COG5: variants seen among roughly 807,000 people sequenced by gnomAD.
COG5 encodes the protein component of oligomeric golgi complex 5.
COG5 carries 86 observed loss-of-function variants against 110.4 expected under a neutral mutation model. The ratio of observed to expected loss-of-function variants is 0.78; its 90% CI spans 0.65 to 0.93. COG5 has a LOEUF of 0.93. Ranked by LOEUF, COG5 falls within the 40% of genes least tolerant of loss-of-function variation. COG5 has a pLI of 0.00. For missense variants in COG5, 1,077 were observed against 987.0 expected, an observed-to-expected ratio of 1.09 and a Z score of -1.22; for synonymous variants, 360 against 334.6, an observed-to-expected ratio of 1.08 and a Z score of -0.83.
At chr7:107,309,447 G>C (rs936354181) in intron 11 of COG5, among the ~76,000 whole-genome samples, 3 of 152,136 alleles carry the variant, frequency 2.0e-5, no homozygotes, top group Non-Finnish European at 2.9e-5. Context: ...TGTGTTCTCT[G>C]ATAGGACTAT....
chr7:107,326,542 C>A (rs1159713615), intron 10 of COG5, among the ~76,000 whole-genome samples: 2 of 151,990 alleles, frequency 1.3e-5, no homozygotes, highest in African/African-American at 4.8e-5. Flanking sequence ...GAAAACTACC[C>A]TACTTTTATA....
At position 107,351,430 on chromosome 7, in the gene COG5, G is replaced by A. The variant is rs577646310; in HGVS notation, c.1026+10603C>T. ...ACTTCATGTCTAAAACACCAAAAGC[G>A]ATGGCAACAAAAGCCAAAATTGACA... On this transcript the variant is annotated intron_variant, in intron 10 of 21. Transcript: ENST00000297135. Among the ~76,000 whole-genome samples the A allele has an allele frequency of 1.9e-3, 295 of 152,188 alleles. 3 individuals carry two copies. The highest frequency in any genetic ancestry group is 2.6e-3 in the Non-Finnish European group (175 of 68,012).
intron 6 of COG5, among the ~76,000 whole-genome samples, chr7:107,497,940 C>T (rs1030458871): frequency 3.9e-5 from 6 of 152,008 alleles, no homozygotes; most frequent in African/African-American, 1.4e-4. Flanking sequence ...AAAAGAAAGA[C>T]AAACTGATGC....
chr7:107,347,037 T>A (rs1388524742), intron 10 of COG5, among the ~76,000 whole-genome samples: 3 of 152,180 alleles, frequency 2.0e-5, no homozygotes, highest in Non-Finnish European at 4.4e-5. Context: ...TACTAGAATA[T>A]TCTAGAAATT....
chr7:107,379,367 C>T (rs1407766301), intron 7 of COG5, among the ~76,000 whole-genome samples: 1 of 152,100 alleles, frequency 6.6e-6, no homozygotes, highest in Non-Finnish European at 1.5e-5. Context: ...CATCAATTAA[C>T]AGGTAAAATA....
rs771472165 is a variant in COG5 at position 107,412,464 on chromosome 7, A to G, written c.669+38T>C. 1.2e-5 allele frequency: 19 copies of G among 1,594,836 alleles called. No individual in the cohort carries two copies. In the African/African-American group the frequency reaches 1.9e-4, roughly 16 times the overall value. On this transcript the variant is annotated intron_variant, in intron 7 of 21. Transcript: ENST00000297135. ...GTCAAATGTTCACCTGTATTATGAC[A>G]CATTTTTTACATTAAAAAACAGTCT... is the stretch of plus-strand genomic sequence containing the variant.
intron 19 of COG5, among the ~76,000 whole-genome samples, chr7:107,212,757 G>A (rs1562914070): frequency 6.6e-6 from 1 of 152,118 alleles, no homozygotes; most frequent in Non-Finnish European, 1.5e-5. Context: ...TAAAACTTGG[G>A]AATGAGAATG....
chr7:107,289,624 G>A (rs1805993335), intron 12 of COG5, among the ~76,000 whole-genome samples: 1 of 152,124 alleles, frequency 6.6e-6, no homozygotes, highest in Non-Finnish European at 1.5e-5. Context: ...GTCAAGTCTT[G>A]CAATTCATGA....
intron 1 of COG5, among the ~76,000 whole-genome samples, chr7:107,561,747 C>T (rs1350335656): frequency 2.0e-5 from 3 of 152,164 alleles, no homozygotes; most frequent in Admixed American, 1.3e-4. Flanking sequence ...GAGGCCAAGG[C>T]AGGCAGATCA....
At chr7:107,242,767 C>G (rs1801744629) in intron 17 of COG5, among the ~76,000 whole-genome samples, 1 of 152,204 alleles carries the variant, frequency 6.6e-6, no homozygotes, top group Non-Finnish European at 1.5e-5. Flanking sequence ...AGCATAGACA[C>G]TCCTTGCTAG....
intron 21 of COG5, 184 bp downstream of exon 21, chr7:107,210,342 T>C (rs1284016252): frequency 3.5e-6 from 5 of 1,434,282 alleles, no homozygotes; most frequent in Admixed American, 2.8e-5. Flanking sequence ...GCAAAAGATG[T>C]TGTGGCCAAC....
At chr7:107,351,923 A>G (rs1406792543) in intron 10 of COG5, among the ~76,000 whole-genome samples, 1 of 148,404 alleles carries the variant, frequency 6.7e-6, no homozygotes, top group Non-Finnish European at 1.5e-5. Flanking sequence ...GGGATCTAGA[A>G]GTAGAAATAC....
intron 17 of COG5, among the ~76,000 whole-genome samples, chr7:107,244,841 T>A (rs1225813039): frequency 6.6e-6 from 1 of 152,162 alleles, no homozygotes; most frequent in Non-Finnish European, 1.5e-5. Flanking sequence ...TGAGGCCTGA[T>A]GGATTCACAG....
intron 10 of COG5, among the ~76,000 whole-genome samples, chr7:107,341,313 T>C (rs1356782817): frequency 6.6e-6 from 1 of 152,032 alleles, no homozygotes; most frequent in African/African-American, 2.4e-5. Context: ...TAGGAATACA[T>C]CTAACCATGA....
intron 6 of COG5, among the ~76,000 whole-genome samples, chr7:107,424,340 G>C (rs1793500229): frequency 6.6e-6 from 1 of 151,992 alleles, no homozygotes; most frequent in Non-Finnish European, 1.5e-5. Context: ...GGTTTTCAGA[G>C]AAGGGTGGAA....
At chr7:107,471,834 C>A (rs1796651604) in intron 6 of COG5, 1 of 151,890 alleles carries the variant, frequency 6.6e-6, no homozygotes, top group South Asian at 2.1e-4. Flanking sequence ...ACTTTTATGA[C>A]CAATTATGTA....
chr7:107,412,265 C>A (rs1448856429), intron 7 of COG5, among the ~76,000 whole-genome samples: 1 of 151,982 alleles, frequency 6.6e-6, no homozygotes, highest in Non-Finnish European at 1.5e-5. Context: ...ATAAAAAATA[C>A]ATTTCATGTT....
intron 6 of COG5, among the ~76,000 whole-genome samples, chr7:107,497,155 A>G (rs1044087551): frequency 1.3e-5 from 2 of 152,164 alleles, no homozygotes; most frequent in African/African-American, 4.8e-5. Context: ...GGTTACAATG[A>G]GATATGTCTG....
At chr7:107,511,589 CA>C (rs1010272174) in intron 6 of COG5, among the ~76,000 whole-genome samples, 2 of 152,104 alleles carry the variant, frequency 1.3e-5, no homozygotes, top group Admixed American at 1.3e-4. Context: ...AGAGACACAA[CA>C]AAAAAAGAGA....
Sources: gnomAD v4.1 joint callset for allele counts (sites outside exome capture counted in the v4.1 genomes callset) on GRCh38, gnomAD v4.1.1 for gene constraint, MANE v1.5 for transcripts, NCBI Gene and HGNC (gene_info 2026-07-23, HGNC 2026-07-21) for gene names.